The following CDH4 variants were observed in gnomAD, a reference collection of about 807,000 sequenced individuals.
CDH4 encodes cadherin-4.
Under a neutral mutation model 86.0 loss-of-function variants are expected in CDH4, and 33 were observed. The observed-to-expected ratio is 0.38, with a 90% CI of 0.29 to 0.51. CDH4 has a LOEUF of 0.51. Ranked by LOEUF, CDH4 falls within the 20% of genes least tolerant of loss-of-function variation. The pLI is 0.86. For missense variants in CDH4, 1,114 were observed against 1,307.4 expected (o/e 0.85, Z 2.28); for synonymous variants, 555 against 549.4 (o/e 1.01, Z -0.14).
chr20:61,855,346 T>C (rs1194877422), intron 6 of CDH4, among the ~76,000 whole-genome samples: 1 of 152,202 alleles, frequency 6.6e-6, no homozygotes, highest in Non-Finnish European at 1.5e-5. Context: ...AGGGAATGAA[T>C]GTGACATTAT....
At chr20:61,521,515 T>G (rs1169770808) in intron 2 of CDH4, among the ~76,000 whole-genome samples, 1 of 152,180 alleles carries the variant, frequency 6.6e-6, no homozygotes, top group Non-Finnish European at 1.5e-5. Context: ...CACCACAGGC[T>G]TCACTCACTC....
rs532458065 is a variant in CDH4 at position 61,703,761 on chromosome 20, C to T, written c.170-39802C>T. Among the ~76,000 whole-genome samples the T allele has an allele frequency of 6.6e-6, 1 of 152,354 alleles. No homozygotes were observed. Among genetic ancestry groups the T allele is most frequent in the African/African-American group, 2.4e-5 (1 of 41,582 alleles). On this transcript the variant is annotated intron_variant, in intron 2 of 15. Transcript: ENST00000614565. This position sits in a 1 kb window ranked among gnomAD's most constrained non-coding sequence, Gnocchi z 4.3. Reference sequence around the variant, plus strand: ...TTCTGTGTCTGCATCAGACCCTGTGCACTATTCAGCCTCCCTCCCCTGACT... The same window carrying T: ...TTCTGTGTCTGCATCAGACCCTGTGTACTATTCAGCCTCCCTCCCCTGACT...
At chr20:61,454,373 C>T (rs1196409233) in intron 2 of CDH4, among the ~76,000 whole-genome samples, 2 of 152,092 alleles carry the variant, frequency 1.3e-5, no homozygotes, top group East Asian at 1.9e-4. Flanking sequence ...GCACCCGGGT[C>T]AAACACGGGC....
intron 9 of CDH4, among the ~76,000 whole-genome samples, chr20:61,912,273 T>A (rs1048824963): frequency 6.6e-6 from 1 of 152,108 alleles, no homozygotes; most frequent in Non-Finnish European, 1.5e-5. Context: ...TGGAAACATA[T>A]CCCAAACTTC....
intron 2 of CDH4, among the ~76,000 whole-genome samples, chr20:61,640,134 A>C (rs540135071): frequency 5.1e-4 from 78 of 152,332 alleles, no homozygotes; most frequent in African/African-American, 1.8e-3. Context: ...CCCAGAGAAA[A>C]TAGCAAGATC....
At chr20:61,352,949 A>G (rs11698886) in intron 2 of CDH4, among the ~76,000 whole-genome samples, 74,878 of 151,798 alleles carry the variant, frequency 0.49, 18,970 homozygotes, top group Middle Eastern at 0.67. Context: ...AAGCCTCAAC[A>G]TTCTCTCTGC....
At chr20:61,550,581 C>T (rs2086122390) in intron 2 of CDH4, among the ~76,000 whole-genome samples, 1 of 152,098 alleles carries the variant, frequency 6.6e-6, no homozygotes, top group South Asian at 2.1e-4. Context: ...TGTGTTCATC[C>T]TTCTCACGGG....
At position 61,766,012 on chromosome 20, in the gene CDH4, G is replaced by C. The variant is rs1476508946; in HGVS notation, c.397-6991G>C. Among the ~76,000 whole-genome samples the C allele has an allele frequency of 2.0e-5, 3 of 152,060 alleles. No homozygotes were observed. The South Asian group carries it at 6.2e-4, about 31-fold the overall frequency. On this transcript the variant is annotated intron_variant, in intron 3 of 15. Coordinates refer to ENST00000614565, the MANE Select transcript of CDH4 (RefSeq NM_001794.5). ...GGCTCCCAGGAGGAAAGTATGGGTA[G>C]GGTAGAGGGACCGCGGATGCTGGGC...
chr20:61,895,121 CCTCT>C (rs1025312521), intron 8 of CDH4, 74 bp downstream of exon 8: 2 of 1,537,426 alleles, frequency 1.3e-6, no homozygotes, highest in South Asian at 1.2e-5. Context: ...GGCACAGCCT[CCTCT>C]CTCTCTGCGG....
chr20:61,721,224 G>T (rs920963639), intron 2 of CDH4, among the ~76,000 whole-genome samples: 2 of 152,222 alleles, frequency 1.3e-5, no homozygotes, highest in African/African-American at 4.8e-5. Flanking sequence ...TTCACTGAGA[G>T]CATGCTTTGC....
intron 2 of CDH4, among the ~76,000 whole-genome samples, chr20:61,622,466 A>G (rs2086786504): frequency 6.6e-6 from 1 of 152,228 alleles, no homozygotes; most frequent in Non-Finnish European, 1.5e-5. Flanking sequence ...TCAGGACATG[A>G]TGGAGCTTGG....
intron 2 of CDH4, among the ~76,000 whole-genome samples, chr20:61,725,381 C>G (rs2145918411): frequency 1.3e-5 from 2 of 152,302 alleles, no homozygotes; most frequent in East Asian, 3.9e-4. Context: ...AGCCAGGACC[C>G]AGGTCTGGTC....
chr20:61,668,642 A>G (rs1183764817), intron 2 of CDH4, among the ~76,000 whole-genome samples: 1 of 152,234 alleles, frequency 6.6e-6, no homozygotes, highest in Admixed American at 6.5e-5. Context: ...GACTGGGGTC[A>G]GAGAGGTGAA....
intron 7 of CDH4, among the ~76,000 whole-genome samples, chr20:61,882,169 A>C (rs1294307147): frequency 1.3e-5 from 2 of 152,162 alleles, no homozygotes; most frequent in Non-Finnish European, 2.9e-5. Flanking sequence ...AGCCAGACCC[A>C]GTCCCTTTTG....
At chr20:61,873,970 C>T (rs371017773) in intron 7 of CDH4, 70 bp downstream of exon 7, 36 of 1,540,606 alleles carry the variant, frequency 2.3e-5, no homozygotes, top group Non-Finnish European at 3.0e-5. Flanking sequence ...ACAGGACCCT[C>T]GGGGAGCCTC....
At chr20:61,400,923 T>C (rs2085046140) in intron 2 of CDH4, among the ~76,000 whole-genome samples, 1 of 152,256 alleles carries the variant, frequency 6.6e-6, no homozygotes, top group South Asian at 2.1e-4. Flanking sequence ...CCTTTGCCAC[T>C]GTAGTCATTC....
intron 2 of CDH4, among the ~76,000 whole-genome samples, chr20:61,404,114 AGGTGCAGCTGAGCT>A (rs200766439): frequency 0.057 from 8,603 of 152,186 alleles, 321 homozygotes; most frequent in Middle Eastern, 0.13. Context: ...GACACTGGGC[AGGTGCAGCTGAGCT>A]GGTGCAGCTG....
At chr20:61,463,775 G>GA (rs1180982298) in intron 2 of CDH4, among the ~76,000 whole-genome samples, 1 of 152,106 alleles carries the variant, frequency 6.6e-6, no homozygotes, top group Non-Finnish European at 1.5e-5. Flanking sequence ...CAACTCCACT[G>GA]AAACAAAAGG....
rs1240193103 is a variant in CDH4 at position 61,383,423 on chromosome 20, G to C, written c.169+128486G>C. Among the ~76,000 whole-genome samples, 168 of 63,566 alleles carry C rather than the reference G, an allele frequency of 2.6e-3. 27 individuals carry two copies. The highest frequency in any genetic ancestry group is 9.4e-3 in the African/African-American group (150 of 15,938). 41.7% of individuals were successfully genotyped at this position (63,566 alleles called of 152,430 possible). ...ATATATGAATATATATGATATATAT[G>C]ATATATATCATATATGAATATATAT... On this transcript the variant is annotated intron_variant, in intron 2 of 15. Coordinates refer to ENST00000614565, the MANE Select transcript of CDH4 (RefSeq NM_001794.5).
Sources: allele counts gnomAD v4.1 joint callset (sites outside exome capture counted in the v4.1 genomes callset), GRCh38; gene constraint gnomAD v4.1.1; non-coding constraint Gnocchi (gnomAD v3.1); transcripts MANE v1.5; gene names NCBI Gene and HGNC (gene_info 2026-07-23, HGNC 2026-07-21).